EXOC4: variants seen among roughly 807,000 people sequenced by gnomAD.
EXOC4 encodes the protein exocyst complex component 4.
Under a neutral mutation model 107.2 loss-of-function variants are expected in EXOC4, and 71 were observed. The ratio of observed to expected loss-of-function variants is 0.66; its 90% confidence interval spans 0.55 to 0.81. The LOEUF is 0.81. Ranked by LOEUF, EXOC4 falls within the 30% of genes least tolerant of loss-of-function variation. The pLI, the probability that EXOC4 is intolerant of heterozygous loss-of-function variation, is 0.00. For synonymous variants in EXOC4, 456 were observed against 441.2 expected, an observed-to-expected ratio of 1.03 and a Z score of -0.42; for missense variants, 1,108 against 1,189.6, an observed-to-expected ratio of 0.93 and a Z score of 1.01.
chr7:133,466,751 G>A (rs1041578423), intron 7 of EXOC4, among the ~76,000 whole-genome samples: 1 of 152,134 alleles, frequency 6.6e-6, no homozygotes, highest in Non-Finnish European at 1.5e-5. Context: ...AAACATAAGT[G>A]TAATAATGTT....
At chr7:133,938,142 A>C (rs999993103) in intron 14 of EXOC4, 73 bp downstream of exon 14, 1 of 1,485,368 alleles carries the variant, frequency 6.7e-7, no homozygotes, top group African/African-American at 1.4e-5. Context: ...GAAAGATGAG[A>C]GTGTACACTG....
intron 11 of EXOC4, among the ~76,000 whole-genome samples, chr7:133,873,622 A>G (rs942176004): frequency 2.0e-5 from 3 of 152,202 alleles, no homozygotes; most frequent in Non-Finnish European, 2.9e-5. Context: ...AAACAGTGGT[A>G]ATATAGATAA....
chr7:133,899,531 A>G (rs1325445604), intron 12 of EXOC4, among the ~76,000 whole-genome samples: 1 of 152,194 alleles, frequency 6.6e-6, no homozygotes, highest in Non-Finnish European at 1.5e-5. Context: ...ATAACAAATC[A>G]GTTTAATCCT....
chr7:133,372,820 C>G (rs753621319), intron 6 of EXOC4, among the ~76,000 whole-genome samples: 7 of 152,120 alleles, frequency 4.6e-5, no homozygotes, highest in Non-Finnish European at 8.8e-5. Flanking sequence ...TTGAATACCC[C>G]AATATTTACC....
intron 12 of EXOC4, among the ~76,000 whole-genome samples, chr7:133,915,953 T>C (rs1340240319): frequency 6.6e-6 from 1 of 152,158 alleles, no homozygotes; most frequent in East Asian, 1.9e-4. Flanking sequence ...CTCAAAACTT[T>C]AGAAGAATAA....
intron 9 of EXOC4, among the ~76,000 whole-genome samples, chr7:133,526,986 A>C (rs1240426651): frequency 6.6e-6 from 1 of 152,086 alleles, no homozygotes; most frequent in Non-Finnish European, 1.5e-5. Flanking sequence ...CAAAAACAAA[A>C]ACAAAAACAA....
chr7:133,631,865 C>A (rs866175856), intron 10 of EXOC4, among the ~76,000 whole-genome samples: 1 of 151,968 alleles, frequency 6.6e-6, no homozygotes, highest in Admixed American at 6.6e-5. Context: ...TTGGAAAATA[C>A]CTTAATCATG....
chr7:133,666,994 C>T (rs908826988), intron 10 of EXOC4, among the ~76,000 whole-genome samples: 7 of 152,070 alleles, frequency 4.6e-5, no homozygotes, highest in African/African-American at 1.7e-4. Context: ...TTTTTCCCTC[C>T]TTTCCCTGTT....
intron 10 of EXOC4, among the ~76,000 whole-genome samples, chr7:133,798,009 G>A (rs1382704938): frequency 2.0e-5 from 3 of 152,160 alleles, no homozygotes; most frequent in African/African-American, 7.2e-5. Context: ...GGTGATGTAT[G>A]TGCTGGCACC....
downstream of EXOC4, among the ~76,000 whole-genome samples, chr7:134,066,790 G>A (rs1330401238): frequency 6.6e-6 from 1 of 152,104 alleles, no homozygotes; most frequent in Admixed American, 6.5e-5. Flanking sequence ...CAGGGCCCAC[G>A]AAACACATAC....
chr7:134,052,282 A>T (rs1193933845), intron 17 of EXOC4, among the ~76,000 whole-genome samples: 1 of 152,192 alleles, frequency 6.6e-6, no homozygotes, highest in Non-Finnish European at 1.5e-5. Context: ...AAATGGGAGA[A>T]GGAGGATGTT....
rs184104851 is a variant in EXOC4, at chr7:133,821,635, A to G, written c.1734+4091A>G. On this transcript the variant is annotated intron_variant, in intron 11 of 17. Coordinates refer to ENST00000253861, the MANE Select transcript of EXOC4 (RefSeq NM_021807.4). ...TATCAATGTGCAACTGATTGGGGAT[A>G]AAAACTGGGCTCTCCATAGTTAGAG... Among the ~76,000 whole-genome samples, 16 of 152,320 alleles carry G rather than the reference A, an allele frequency of 1.1e-4. No individual in the cohort carries two copies. In the East Asian group the frequency reaches 2.3e-3, roughly 22 times the overall value.
intron 11 of EXOC4, among the ~76,000 whole-genome samples, chr7:133,883,977 T>C (rs1247199688): frequency 2.0e-5 from 3 of 152,260 alleles, no homozygotes; most frequent in East Asian, 3.8e-4. Flanking sequence ...ATTATCATTG[T>C]TTACAGCCAG....
intron 9 of EXOC4, among the ~76,000 whole-genome samples, chr7:133,619,520 C>T (rs1271795677): frequency 2.6e-5 from 4 of 152,150 alleles, no homozygotes; most frequent in Non-Finnish European, 5.9e-5. Context: ...CATCAGAAAT[C>T]TACTGCCCAA....
At chr7:133,765,514 CG>C (rs1468270378) in intron 10 of EXOC4, among the ~76,000 whole-genome samples, 1 of 151,888 alleles carries the variant, frequency 6.6e-6, no homozygotes, top group Non-Finnish European at 1.5e-5. Flanking sequence ...ATGGACAAAT[CG>C]TTTATTTCTT....
At chr7:133,520,874 C>A (rs1050736454) in intron 9 of EXOC4, among the ~76,000 whole-genome samples, 8 of 152,020 alleles carry the variant, frequency 5.3e-5, no homozygotes, top group Admixed American at 2.0e-4. Context: ...TATGCCTTTC[C>A]CTGTTTTGCT....
intron 11 of EXOC4, among the ~76,000 whole-genome samples, chr7:133,837,656 A>G (rs1194099255): frequency 1.3e-5 from 2 of 152,190 alleles, no homozygotes; most frequent in Non-Finnish European, 2.9e-5. Flanking sequence ...CTTTCAGATT[A>G]TTGCCTGACA....
At chr7:133,888,904 T>C (rs1319239530) in intron 11 of EXOC4, among the ~76,000 whole-genome samples, 1 of 152,172 alleles carries the variant, frequency 6.6e-6, no homozygotes, top group Non-Finnish European at 1.5e-5. Flanking sequence ...TTGAGAGGAT[T>C]AAACAAAATA....
intron 10 of EXOC4, among the ~76,000 whole-genome samples, chr7:133,788,337 T>TA (rs975198650): frequency 2.0e-5 from 3 of 151,970 alleles, no homozygotes; most frequent in African/African-American, 7.3e-5. Context: ...TGTCTCCACT[T>TA]AGATGTCTAA....
Sources: allele counts gnomAD v4.1 joint callset (sites outside exome capture counted in the v4.1 genomes callset), GRCh38; gene constraint gnomAD v4.1.1; transcripts MANE v1.5; gene names NCBI Gene and HGNC (gene_info 2026-07-23, HGNC 2026-07-21).